The following LRP1B variants were observed in gnomAD, a reference collection of about 807,000 sequenced individuals.
The protein encoded by LRP1B is LDL receptor related protein 1B.
A neutral mutation model predicts 556.6 loss-of-function variants in LRP1B; 217 were observed. The observed-to-expected ratio is 0.39, with a 90% CI of 0.35 to 0.44. The LOEUF (loss-of-function observed/expected upper bound fraction) is 0.44, where lower values mean the gene tolerates loss of function less well. Among genes scored for constraint, LRP1B ranks in the 20% least tolerant of loss-of-function variants. The pLI is 1.00. For synonymous variants in LRP1B, 2,047 were observed against 1,865.8 expected, an observed-to-expected ratio of 1.10 and a Z score of -2.50; for missense variants, 5,053 against 5,620.8, an observed-to-expected ratio of 0.90 and a Z score of 3.23.
At chr2:141,219,669 C>G (rs1286252347) in intron 6 of LRP1B, among the ~76,000 whole-genome samples, 1 of 152,062 alleles carries the variant, frequency 6.6e-6, no homozygotes, top group African/African-American at 2.4e-5. Flanking sequence ...CACCTCATAC[C>G]AGAGTGTTTT....
chr2:140,877,571 G>T (rs1693348821), intron 25 of LRP1B, among the ~76,000 whole-genome samples: 1 of 152,114 alleles, frequency 6.6e-6, no homozygotes, highest in Non-Finnish European at 1.5e-5. Flanking sequence ...GACCTGCTTA[G>T]GGCCAACCTG....
chr2:142,077,099 T>C (rs960883814), intron 1 of LRP1B, among the ~76,000 whole-genome samples: 1 of 152,086 alleles, frequency 6.6e-6, no homozygotes, highest in African/African-American at 2.4e-5. Context: ...AGGTTAAGCA[T>C]AAAGGCAAGT....
At chr2:140,745,587 A>G (rs893781302) in intron 35 of LRP1B, among the ~76,000 whole-genome samples, 12 of 152,120 alleles carry the variant, frequency 7.9e-5, no homozygotes, top group African/African-American at 2.9e-4. Flanking sequence ...GTGTTTTAAC[A>G]CATCTCATTT....
At chr2:141,458,052 GTTTGT>G (rs935609704) in intron 3 of LRP1B, among the ~76,000 whole-genome samples, 4 of 152,084 alleles carry the variant, frequency 2.6e-5, no homozygotes, top group Non-Finnish European at 4.4e-5. Flanking sequence ...AGTGGTTTTT[GTTTGT>G]TTTGTTTTGT....
rs1481100245 is a variant in LRP1B, at chr2:141,096,623, AGAGG to A, written c.1014-34354_1014-34351del. Among the ~76,000 whole-genome samples, 3 of 37,388 alleles carry A rather than the reference AGAGG, an allele frequency of 8.0e-5. 1 individual carries two copies. The highest frequency in any genetic ancestry group is 1.6e-4 in the African/African-American group (2 of 12,308). The allele number at this position is 37,388 out of a possible 152,430, so 24.5% of individuals were successfully genotyped here. A position where few individuals can be genotyped will look rare whatever the true frequency, so the allele number is the denominator to read the frequency against. ...CCTAGCCTGAATGACAAAGACGGGG[AGAGG>A]GGGAGAGAGAGAGAGAGAGAGAGAG... On this transcript the variant is annotated intron_variant, in intron 7 of 90. Transcript: ENST00000389484.
chr2:140,316,580 A>G (rs1184387332), intron 82 of LRP1B, among the ~76,000 whole-genome samples: 4 of 152,120 alleles, frequency 2.6e-5, no homozygotes. Context: ...ATAAAAAATT[A>G]CAGTGGTATA....
intron 20 of LRP1B, among the ~76,000 whole-genome samples, chr2:140,931,462 T>C (rs1252102649): frequency 6.6e-6 from 1 of 152,024 alleles, no homozygotes; most frequent in African/African-American, 2.4e-5. Flanking sequence ...TACATAGACT[T>C]TAGGACTTAA....
intron 5 of LRP1B, among the ~76,000 whole-genome samples, chr2:141,234,353 G>A (rs1683577414): frequency 6.6e-6 from 1 of 151,930 alleles, no homozygotes; most frequent in African/African-American, 2.4e-5. Flanking sequence ...ATCTGTAAAA[G>A]GGCAATTATT....
At chr2:140,661,897 G>A (rs1228040794) in intron 41 of LRP1B, among the ~76,000 whole-genome samples, 1 of 143,850 alleles carries the variant, frequency 7.0e-6, no homozygotes, top group Admixed American at 7.0e-5. Context: ...AAGTTGTATA[G>A]CATTAAAATA....
At chr2:141,200,385 G>A (rs139200549) in intron 6 of LRP1B, among the ~76,000 whole-genome samples, 130 of 152,210 alleles carry the variant, frequency 8.5e-4, no homozygotes, top group African/African-American at 2.9e-3. Flanking sequence ...GAGGCCTGCC[G>A]GGGGTGGGTG....
In LRP1B at chr2:140,922,123, G is replaced by A. The variant is rs183589890; in HGVS notation, c.3319+842C>T. Among the ~76,000 whole-genome samples, 41 of 152,060 alleles carry A rather than the reference G, an allele frequency of 2.7e-4. No individual in the cohort carries two copies. The South Asian group carries it at 4.6e-3, about 17-fold the overall frequency. ...ACAAATTAAACCACAATAGCTCATC[G>A]TAATCTACTTTTCTCTAAACTTCAA... On this transcript the variant is annotated intron_variant, in intron 21 of 90. Coordinates refer to ENST00000389484, the MANE Select transcript of LRP1B (RefSeq NM_018557.3).
intron 3 of LRP1B, among the ~76,000 whole-genome samples, chr2:141,423,569 T>C (rs1680234389): frequency 6.6e-6 from 1 of 152,118 alleles, no homozygotes; most frequent in African/African-American, 2.4e-5. Flanking sequence ...CTGCCATAGA[T>C]GAAAGTTTTT....
intron 35 of LRP1B, among the ~76,000 whole-genome samples, chr2:140,733,584 T>A (rs1278727920): frequency 6.6e-6 from 1 of 152,160 alleles, no homozygotes; most frequent in Non-Finnish European, 1.5e-5. Flanking sequence ...TCAAAAATAT[T>A]ATGTGACGTG....
rs562348125 is a variant in LRP1B at position 140,824,916 on chromosome 2, T to C, written c.5210-11110A>G. Reference sequence around the variant, plus strand: ...ACAGTATTCACTCAACAAATATTTATTGAAAATCTACTTATGTGCCAAAAT... The same window carrying C: ...ACAGTATTCACTCAACAAATATTTACTGAAAATCTACTTATGTGCCAAAAT... On this transcript the variant is annotated intron_variant, in intron 31 of 90. Transcript: ENST00000389484. Among the ~76,000 whole-genome samples the C allele has an allele frequency of 3.3e-5, 5 of 152,274 alleles. No homozygotes were observed. In the East Asian group the frequency reaches 5.8e-4, roughly 18 times the overall value.
At chr2:141,424,086 A>G (rs1342608905) in intron 3 of LRP1B, among the ~76,000 whole-genome samples, 1 of 148,848 alleles carries the variant, frequency 6.7e-6, no homozygotes, top group Non-Finnish European at 1.5e-5. Flanking sequence ...TTATAGTTTT[A>G]TGGAGTTAAC....
At chr2:141,624,100 T>C (rs1375424774) in intron 2 of LRP1B, among the ~76,000 whole-genome samples, 4 of 142,224 alleles carry the variant, frequency 2.8e-5, no homozygotes, top group Non-Finnish European at 6.2e-5. Context: ...ATGCAAGGAA[T>C]AAAATTAGTA....
chr2:141,447,106 G>A (rs912486060), intron 3 of LRP1B, among the ~76,000 whole-genome samples: 1 of 151,788 alleles, frequency 6.6e-6, no homozygotes, highest in African/African-American at 2.4e-5. Flanking sequence ...GGCTTTGTTT[G>A]TTCCTTTTCA....
intron 43 of LRP1B, among the ~76,000 whole-genome samples, chr2:140,572,307 T>C (rs556600074): frequency 1.6e-4 from 24 of 151,360 alleles, no homozygotes; most frequent in African/African-American, 5.8e-4. Flanking sequence ...AAAAAAATCA[T>C]TCAATTAAAA....
chr2:140,958,852 T>G (rs1695950583), intron 18 of LRP1B, among the ~76,000 whole-genome samples: 1 of 151,454 alleles, frequency 6.6e-6, no homozygotes, highest in African/African-American at 2.4e-5. Flanking sequence ...GTGAGAACAT[T>G]TTAGAAAATA....
Sources: allele counts gnomAD v4.1 joint callset (sites outside exome capture counted in the v4.1 genomes callset), GRCh38; gene constraint gnomAD v4.1.1; transcripts MANE v1.5; gene names NCBI Gene and HGNC (gene_info 2026-07-23, HGNC 2026-07-21).